FRMD4A: variants seen among roughly 807,000 people sequenced by gnomAD.
The protein encoded by FRMD4A is FERM domain containing 4A.
Under a neutral mutation model 129.1 loss-of-function variants are expected in FRMD4A, and 29 were observed. That is an observed-to-expected ratio of 0.22 (90% CI 0.17 to 0.31). FRMD4A has a LOEUF of 0.31. FRMD4A is among the 10% of genes least tolerant of loss of function. The pLI is 1.00. For synonymous variants in FRMD4A, 634 were observed against 571.6 expected, an observed-to-expected ratio of 1.11 and a Z score of -1.56; for missense variants, 1,272 against 1,375.8, an observed-to-expected ratio of 0.92 and a Z score of 1.19.
chr10:14,180,583 A>G lies in FRMD4A; in HGVS notation c.45+149475T>C, dbSNP rs373480854. The stretch of plus-strand genomic sequence containing the variant: ...AGATCAGCTGAGCCCAGCCTACATC[A>G]GCAAAACTCTACAGTCTTCTGAAAA... On this transcript the variant is annotated intron_variant, in intron 2 of 24. Coordinates refer to ENST00000357447, the MANE Select transcript of FRMD4A (RefSeq NM_018027.5). Among the ~76,000 whole-genome samples the G allele has an allele frequency of 4.0e-4, 61 of 152,372 alleles. 1 individual carries two copies. In the South Asian group the frequency reaches 0.012, roughly 31 times the overall value.
At chr10:14,067,330 G>A (rs1017482217) in intron 2 of FRMD4A, among the ~76,000 whole-genome samples, 3 of 151,644 alleles carry the variant, frequency 2.0e-5, no homozygotes, top group Admixed American at 6.6e-5. Context: ...AAAAAAATTA[G>A]TATGTCTCAT....
At chr10:14,005,786 G>T (rs1210603689) in intron 2 of FRMD4A, among the ~76,000 whole-genome samples, 2 of 152,152 alleles carry the variant, frequency 1.3e-5, no homozygotes. Context: ...CCATAAAGAA[G>T]ATTAAAACTC....
chr10:14,226,731 C>A (rs376651992), intron 2 of FRMD4A, among the ~76,000 whole-genome samples: 1 of 152,142 alleles, frequency 6.6e-6, no homozygotes, highest in African/African-American at 2.4e-5. Flanking sequence ...TCATTCGTCA[C>A]CTCATCAAAT....
intron 2 of FRMD4A, among the ~76,000 whole-genome samples, chr10:13,876,972 T>C (rs1285008625): frequency 6.6e-6 from 1 of 152,188 alleles, no homozygotes; most frequent in African/African-American, 2.4e-5. Context: ...AACACATGCA[T>C]TATTTGTCAT....
intron 3 of FRMD4A, among the ~76,000 whole-genome samples, chr10:13,825,818 C>T (rs1339578938): frequency 1.3e-5 from 2 of 152,184 alleles, no homozygotes; most frequent in Non-Finnish European, 2.9e-5. Context: ...ATAACTGAAA[C>T]GTGGAAAGTA....
Position 14,234,892 on chromosome 10 carries a change from T to C in FRMD4A, c.45+95166A>G, listed in dbSNP as rs536968583. On this transcript the variant is annotated intron_variant, in intron 2 of 24. Transcript: ENST00000357447. ...AGTTGCTACTGAGTCTCATGCAGGA[T>C]CCACGAATTACAGGGAATTTTTAGC... 2.6e-5 allele frequency among the ~76,000 whole-genome samples: 4 copies of C among 152,342 alleles called. 1 individual carries two copies. The highest frequency in any genetic ancestry group is 9.6e-5 in the African/African-American group (4 of 41,580).
chr10:13,734,526 C>G (rs1176732410), intron 12 of FRMD4A, among the ~76,000 whole-genome samples: 1 of 152,186 alleles, frequency 6.6e-6, no homozygotes, highest in Non-Finnish European at 1.5e-5. Flanking sequence ...ACCCCTGTCA[C>G]TGTGATTTCA....
chr10:14,188,452 C>T (rs1036346301), intron 2 of FRMD4A, among the ~76,000 whole-genome samples: 7 of 152,186 alleles, frequency 4.6e-5, no homozygotes, highest in Non-Finnish European at 5.9e-5. Context: ...TATTTGCCTC[C>T]CGCCTGCCAA....
In FRMD4A at chr10:13,739,149, G is replaced by A. The variant is rs145086886; in HGVS notation, c.672+1045C>T. The stretch of plus-strand genomic sequence containing the variant: ...CACGGTTTTGAAATATTTGTGGGGC[G>A]TGAGTTATTTCAAGATGAGCAAAAA... On this transcript the variant is annotated intron_variant, in intron 11 of 24. Coordinates refer to ENST00000357447, the MANE Select transcript of FRMD4A (RefSeq NM_018027.5). 5.9e-5 allele frequency among the ~76,000 whole-genome samples: 9 copies of A among 152,298 alleles called. No homozygotes were observed. In the East Asian group the frequency reaches 7.7e-4, roughly 13 times the overall value.
At chr10:14,105,432 A>G (rs1837537970) in intron 2 of FRMD4A, among the ~76,000 whole-genome samples, 1 of 142,152 alleles carries the variant, frequency 7.0e-6, no homozygotes, top group Non-Finnish European at 1.5e-5. Context: ...AAAGTTTATT[A>G]GATATGCATT....
At chr10:13,924,816 G>C (rs2095111848) in intron 2 of FRMD4A, among the ~76,000 whole-genome samples, 1 of 152,060 alleles carries the variant, frequency 6.6e-6, no homozygotes, top group African/African-American at 2.4e-5. Flanking sequence ...ATGACTTCCA[G>C]CACTTTGGGA....
At chr10:14,035,616 C>T (rs553299488) in intron 2 of FRMD4A, among the ~76,000 whole-genome samples, 10 of 152,134 alleles carry the variant, frequency 6.6e-5, no homozygotes, top group South Asian at 2.1e-4. Flanking sequence ...TCCTGGGCTG[C>T]GTACCCACGA....
intron 23 of FRMD4A, chr10:13,652,262 A>T: frequency 2.2e-6 from 1 of 464,246 alleles, no homozygotes; most frequent in South Asian, 2.5e-5. Flanking sequence ...CTGTTTTTCA[A>T]ATTTGGCTTG....
intron 16 of FRMD4A, among the ~76,000 whole-genome samples, chr10:13,672,161 T>C (rs1223209331): frequency 6.6e-6 from 1 of 152,254 alleles, no homozygotes; most frequent in Admixed American, 6.5e-5. Flanking sequence ...GTCACTCGCC[T>C]GCTTCTCCCT....
intron 2 of FRMD4A, among the ~76,000 whole-genome samples, chr10:13,964,794 T>C (rs539077324): frequency 1.3e-5 from 2 of 152,006 alleles, no homozygotes; most frequent in South Asian, 2.1e-4. Context: ...GTTCAAGCGA[T>C]TCTCCTGCCT....
chr10:14,270,691 A>G (rs1415511814), intron 2 of FRMD4A, among the ~76,000 whole-genome samples: 1 of 152,234 alleles, frequency 6.6e-6, no homozygotes, highest in African/African-American at 2.4e-5. Context: ...CCCTGTGAAT[A>G]GGCTCTTGGA....
intron 5 of FRMD4A, among the ~76,000 whole-genome samples, chr10:13,785,221 G>T (rs2092825053): frequency 6.6e-6 from 1 of 152,134 alleles, no homozygotes; most frequent in African/African-American, 2.4e-5. Context: ...TGAAATTGGT[G>T]AGTGAATTTG....
chr10:14,089,814 T>C (rs1588951938), intron 2 of FRMD4A, among the ~76,000 whole-genome samples: 1 of 152,208 alleles, frequency 6.6e-6, no homozygotes, highest in Non-Finnish European at 1.5e-5. Flanking sequence ...ACAGTGCCAA[T>C]GTCCAGGTAG....
chr10:13,810,989 T>C, intron 3 of FRMD4A, 81 bp from the exon 4 acceptor site: 2 of 700,440 alleles, frequency 2.9e-6, no homozygotes, highest in Non-Finnish European at 5.0e-6. Flanking sequence ...GTTTCCATAA[T>C]TTTTTCAATG....
Sources: gnomAD v4.1 joint callset for allele counts (sites outside exome capture counted in the v4.1 genomes callset) on GRCh38, gnomAD v4.1.1 for gene constraint, MANE v1.5 for transcripts, NCBI Gene and HGNC (gene_info 2026-07-23, HGNC 2026-07-21) for gene names.